Variants in SYNE1 observed in about 807,000 individuals in gnomAD.
SYNE1 encodes the protein spectrin repeat containing nuclear envelope protein 1.
In SYNE1, 616 loss-of-function variants were observed where a neutral mutation model predicts 1,111.0. The observed-to-expected ratio is 0.55, with a 90% CI of 0.52 to 0.59. The LOEUF (loss-of-function observed/expected upper bound fraction) is 0.59, where lower values mean the gene tolerates loss of function less well. Among genes scored for constraint, SYNE1 ranks in the 20% least tolerant of loss-of-function variants. SYNE1 has a pLI of 0.00. For missense variants in SYNE1, 10,006 were observed against 10,417.0 expected, an observed-to-expected ratio of 0.96 and a Z score of 1.72; for synonymous variants, 3,855 against 3,825.8, an observed-to-expected ratio of 1.01 and a Z score of -0.28.
chr6:152,281,684 T>C, intron 97 of SYNE1, 123 bp downstream of exon 97: 2 of 1,027,236 alleles, frequency 1.9e-6, no homozygotes, highest in Non-Finnish European at 3.0e-6. Flanking sequence ...TCTTTAAATG[T>C]ATAAAGTCTA....
chr6:152,173,086 G>GT (rs2153103069), intron 130 of SYNE1, among the ~76,000 whole-genome samples: 1 of 152,300 alleles, frequency 6.6e-6, no homozygotes, highest in Non-Finnish European at 1.5e-5. Context: ...AGTCCTAAAA[G>GT]TAACTGAGCA....
Position 152,409,601 on chromosome 6 carries a change from A to G in SYNE1, c.6339T>C (p.Thr2113=), listed in dbSNP as rs141671123. 1.6e-3 allele frequency: 2,566 copies of G among 1,613,902 alleles called. 5 individuals carry two copies. The highest frequency in any genetic ancestry group is 2.2e-3 in the Middle Eastern group (13 of 6,018). Residue 2113 remains threonine, a synonymous_variant, in exon 43 of 146, where the codon ACT becomes ACC. Transcript: ENST00000367255. ...TAAGATCCTCCTGATCTTTTATGGT[A>G]GTTCTGGTTACAATCACACTGCTGG... The part of the protein sequence containing the change: ...ENASSVIVTR[T]TIKDQEDLKW...
At chr6:152,194,477 G>C (rs117354632) in intron 127 of SYNE1, among the ~76,000 whole-genome samples, 5,297 of 152,152 alleles carry the variant, frequency 0.035, 115 homozygotes, top group Middle Eastern at 0.085. Context: ...TAAATGCCTT[G>C]AGGTAATCTT....
At position 152,488,563 on chromosome 6, in the gene SYNE1, T is replaced by A. The variant is rs1222490498; in HGVS notation, c.940-60A>T. On this transcript the variant is annotated intron_variant, in intron 11 of 145. Coordinates refer to ENST00000367255, the MANE Select transcript of SYNE1 (RefSeq NM_182961.4). ...TCTGTGCATTTATTTAATTGCTGATTAATACTTGACTGATTCTAGAAGAGA... is the reference window on the plus strand; with the variant it reads ...TCTGTGCATTTATTTAATTGCTGATAAATACTTGACTGATTCTAGAAGAGA... The A allele has an allele frequency of 4.3e-6, 4 of 927,296 alleles. No homozygotes were observed. The Admixed American group carries it at 7.5e-5, about 17-fold the overall frequency. The allele number at this position is 927,296 out of a possible 1,614,324, so 57.4% of individuals were successfully genotyped here.
At position 152,151,974 on chromosome 6, in the gene SYNE1, G is replaced by A. The variant is rs142222560; in HGVS notation, c.24297C>T (p.Ile8099=). The A allele has an allele frequency of 1.0e-3, 1,663 of 1,614,216 alleles. 18 individuals carry two copies. Among genetic ancestry groups the A allele is most frequent in the Non-Finnish European group, 8.1e-5 (96 of 1,180,042 alleles). Residue 8099 remains isoleucine, a synonymous_variant, in exon 134 of 146, where the codon ATC becomes ATT. Transcript: ENST00000367255. ...TAGCAAAAACCTTGAGTCTGCGCAA[G>A]ATGGAGGTGACACGCTTTTGCAGGT... is the stretch of plus-strand genomic sequence containing the variant. ...WDNLQKRVTS[I]LRRLKHFIGQ... is the part of the protein sequence containing the mutation.
intron 10 of SYNE1, among the ~76,000 whole-genome samples, chr6:152,501,152 AAAGG>A (rs1264261293): frequency 1.3e-5 from 2 of 152,020 alleles, no homozygotes; most frequent in Non-Finnish European, 2.9e-5. Context: ...AAGAAAGGAG[AAAGG>A]AAGAGGAGGA....
intron 74 of SYNE1, among the ~76,000 whole-genome samples, chr6:152,343,051 G>A (rs759765227): frequency 9.9e-5 from 15 of 151,946 alleles, no homozygotes; most frequent in African/African-American, 2.9e-4. Context: ...AAACTATCTC[G>A]AAGGCTTGGA....
At chr6:152,396,122 G>T (rs974921165) in intron 50 of SYNE1, among the ~76,000 whole-genome samples, 1 of 152,232 alleles carries the variant, frequency 6.6e-6, no homozygotes, top group Non-Finnish European at 1.5e-5. Context: ...GTTGGGGCCA[G>T]TGAATAAGTA....
intron 27 of SYNE1, among the ~76,000 whole-genome samples, chr6:152,450,376 A>C (rs2098637638): frequency 1.3e-5 from 2 of 152,194 alleles, no homozygotes. Flanking sequence ...GAAAGGACTA[A>C]TACATAAGGA....
chr6:152,211,965 G>GA (rs1280115272), intron 123 of SYNE1, among the ~76,000 whole-genome samples: 3 of 151,292 alleles, frequency 2.0e-5, no homozygotes, highest in Non-Finnish European at 4.4e-5. Context: ...AGAAGTCAAA[G>GA]AAAAAAAATA....
chr6:152,169,809 A>T (rs1297028024), intron 130 of SYNE1, among the ~76,000 whole-genome samples: 2 of 151,648 alleles, frequency 1.3e-5, no homozygotes, highest in Admixed American at 1.3e-4. Context: ...AAAAAAAAAA[A>T]TAAAAAATTA....
At chr6:152,214,020 G>T (rs533676601) in intron 122 of SYNE1, among the ~76,000 whole-genome samples, 1 of 152,222 alleles carries the variant, frequency 6.6e-6, no homozygotes, top group East Asian at 1.9e-4. Flanking sequence ...GGTCAACATG[G>T]TGAAACCCCA....
chr6:152,280,407 A>T (rs1184273787), intron 97 of SYNE1, among the ~76,000 whole-genome samples: 1 of 152,176 alleles, frequency 6.6e-6, no homozygotes, highest in Non-Finnish European at 1.5e-5. Context: ...ACACAAATTC[A>T]GAAACTTTCT....
chr6:152,273,147 C>T (rs1314379171), intron 98 of SYNE1, among the ~76,000 whole-genome samples: 2 of 152,222 alleles, frequency 1.3e-5, no homozygotes, highest in Non-Finnish European at 2.9e-5. Context: ...ATTTACACTT[C>T]ACCCAATGTG....
Position 152,502,719 on chromosome 6 carries a change from C to T in SYNE1, c.802G>A (p.Glu268Lys). The change falls in exon 10 of 146, where the codon GAG (glutamate) becomes AAG (lysine). Residue 268 changes from glutamate (E) to lysine (K), a missense_variant. This residue lies in a region of SYNE1 where 1,971 missense variants were observed against 2,084.1 expected (regional missense o/e 0.95). Coordinates refer to ENST00000367255, the MANE Select transcript of SYNE1 (RefSeq NM_182961.4). ...GCTACATAGGTCATAATAGATTTCT[C>T]ATCTGGTTTATCCACATCAACGTCT... ...PEDVDVDKPDEKSIMTYVAQF... is the reference protein window; with the variant it reads ...PEDVDVDKPDKKSIMTYVAQF... The T allele has an allele frequency of 6.2e-7, 1 of 1,613,482 alleles. No individual in the cohort carries two copies. Among genetic ancestry groups the T allele is most frequent in the Non-Finnish European group, 8.5e-7 (1 of 1,179,594 alleles).
intron 3 of SYNE1, among the ~76,000 whole-genome samples, chr6:152,597,068 A>G (rs1368321922): frequency 6.6e-6 from 1 of 152,198 alleles, no homozygotes. Context: ...AGCATAAAAA[A>G]TTTTTGTTAA....
chr6:152,560,920 C>A lies in SYNE1; in HGVS notation c.68-20899G>T, dbSNP rs550145577. On this transcript the variant is annotated intron_variant, in intron 3 of 145. Transcript: ENST00000367255. ...GGTACAGGAGGAATGTATCTCAACA[C>A]AATAAAGACCACATAAGAAAAGCCT... Among the ~76,000 whole-genome samples, 4 of 152,188 alleles carry A rather than the reference C, an allele frequency of 2.6e-5. No homozygotes were observed. In the South Asian group the frequency reaches 8.3e-4, roughly 32 times the overall value.
chr6:152,266,706 TC>T (rs2092730899), intron 100 of SYNE1, among the ~76,000 whole-genome samples: 1 of 152,236 alleles, frequency 6.6e-6, no homozygotes, highest in Admixed American at 6.5e-5. Flanking sequence ...TGTTTTGTTT[TC>T]CTTTTCTTGA....
chr6:152,215,853 T>C (rs1227622802), intron 121 of SYNE1, among the ~76,000 whole-genome samples: 1 of 152,212 alleles, frequency 6.6e-6, no homozygotes, highest in Non-Finnish European at 1.5e-5. Flanking sequence ...ACGAACCTCC[T>C]TGGGTTCTTG....
Sources: allele counts gnomAD v4.1 joint callset (sites outside exome capture counted in the v4.1 genomes callset), GRCh38; gene constraint gnomAD v4.1.1; regional missense constraint gnomAD v4.1.1; transcripts MANE v1.5; gene names NCBI Gene and HGNC (gene_info 2026-07-23, HGNC 2026-07-21).